KAZN: variants seen among roughly 807,000 people sequenced by gnomAD.
KAZN encodes kazrin, periplakin interacting protein, also known as kazrin.
KAZN carries 40 observed loss-of-function variants against 87.4 expected under a neutral mutation model. The observed-to-expected ratio is 0.46, with a 90% confidence interval of 0.36 to 0.60. KAZN has a LOEUF of 0.60. Among genes scored for constraint, KAZN ranks in the 20% least tolerant of loss-of-function variants. The pLI, the probability that KAZN is intolerant of heterozygous loss-of-function variation, is 0.00. For synonymous variants in KAZN, 466 were observed against 458.3 expected, an observed-to-expected ratio of 1.02 and a Z score of -0.22; for missense variants, 898 against 1,073.9, an observed-to-expected ratio of 0.84 and a Z score of 2.29.
At chr1:14,284,716 A>G (rs1339363) in intron 2 of KAZN, among the ~76,000 whole-genome samples, 69,423 of 152,130 alleles carry the variant, frequency 0.46, 17,027 homozygotes, top group Non-Finnish European at 0.57. Flanking sequence ...GGGAGACCAT[A>G]GAGCAGCCCA....
intron 1 of KAZN, among the ~76,000 whole-genome samples, chr1:13,949,362 G>A (rs1265722296): frequency 4.6e-5 from 7 of 152,146 alleles, no homozygotes; most frequent in Non-Finnish European, 1.0e-4. Context: ...AATACCTCCT[G>A]TTTAAGAGGC....
intron 1 of KAZN, among the ~76,000 whole-genome samples, chr1:14,873,106 A>G (rs1652361300): frequency 1.1e-5 from 1 of 89,234 alleles, no homozygotes; most frequent in Non-Finnish European, 2.4e-5. Flanking sequence ...ATGGATGGAC[A>G]GATAGATGAA....
At chr1:15,045,042 C>T (rs777177579) in intron 4 of KAZN, among the ~76,000 whole-genome samples, 11 of 151,964 alleles carry the variant, frequency 7.2e-5, no homozygotes, top group East Asian at 5.8e-4. Context: ...GGGTCCGGGT[C>T]GGGAGAGAGA....
chr1:14,625,439 A>T (rs1034176195), intron 1 of KAZN, among the ~76,000 whole-genome samples: 9 of 152,226 alleles, frequency 5.9e-5, no homozygotes, highest in African/African-American at 1.7e-4. Flanking sequence ...CTGCAAGTGG[A>T]AAATGAACAG....
At chr1:15,071,744 C>T (rs16851219) in intron 8 of KAZN, among the ~76,000 whole-genome samples, 20,200 of 152,166 alleles carry the variant, frequency 0.13, 1,827 homozygotes, top group East Asian at 0.53. Context: ...CTGAAAATGG[C>T]AGGACCTCTG....
At chr1:14,507,978 T>TAATA (rs1553181517) in intron 2 of KAZN, among the ~76,000 whole-genome samples, 4 of 91,366 alleles carry the variant, frequency 4.4e-5, no homozygotes, top group East Asian at 2.4e-4. Flanking sequence ...AAAAAATAAA[T>TAATA]AAAAAAAAAA....
intron 2 of KAZN, among the ~76,000 whole-genome samples, chr1:14,307,746 G>A (rs1423622764): frequency 3.3e-5 from 5 of 152,276 alleles, no homozygotes; most frequent in South Asian, 2.1e-4. Context: ...GTAGTGGGTC[G>A]CAACCACAGG....
rs551483399 is a variant in KAZN at position 14,484,602 on chromosome 1, A to G, written c.250-114381A>G. ...GCATAACAAACAACCTCAAAACTTC[A>G]GTGGCAGACAGTAAACATTTGTTTT... On this transcript the variant is annotated intron_variant, in intron 2 of 16. Coordinates refer to the KAZN transcript ENST00000636203. 7.2e-5 allele frequency among the ~76,000 whole-genome samples: 11 copies of G among 152,386 alleles called. No individual in the cohort carries two copies. The East Asian group carries it at 1.5e-3, about 21-fold the overall frequency.
At chr1:14,354,865 G>GA (rs1360264770) in intron 2 of KAZN, among the ~76,000 whole-genome samples, 2 of 152,072 alleles carry the variant, frequency 1.3e-5, no homozygotes, top group Non-Finnish European at 2.9e-5. Context: ...AAAGAGAAAT[G>GA]AAAATGTATG....
chr1:15,002,849 G>A (rs1012231314), intron 2 of KAZN, among the ~76,000 whole-genome samples: 8 of 152,018 alleles, frequency 5.3e-5, no homozygotes, highest in African/African-American at 1.4e-4. Context: ...GGTGGTGGGC[G>A]CCTGTAATCC....
intron 1 of KAZN, among the ~76,000 whole-genome samples, chr1:14,038,571 G>T (rs1398406320): frequency 6.6e-6 from 1 of 152,158 alleles, no homozygotes; most frequent in Non-Finnish European, 1.5e-5. Context: ...CTGCAATTGG[G>T]TCATGAAAGT....
chr1:13,906,954 T>C (rs578079899), intron 1 of KAZN, among the ~76,000 whole-genome samples: 1 of 152,348 alleles, frequency 6.6e-6, no homozygotes, highest in South Asian at 2.1e-4. Context: ...GAAGTAAGGC[T>C]TCCCGCCTGT....
chr1:15,034,972 T>C, intron 3 of KAZN, 87 bp downstream of exon 3: 1 of 1,506,694 alleles, frequency 6.6e-7, no homozygotes, highest in South Asian at 1.2e-5. Flanking sequence ...AGGCTCTGCC[T>C]CTTGAATCCC....
intron 2 of KAZN, among the ~76,000 whole-genome samples, chr1:14,476,819 C>G (rs973135491): frequency 6.6e-6 from 1 of 152,136 alleles, no homozygotes; most frequent in Non-Finnish European, 1.5e-5. Context: ...TGTCTACTTC[C>G]TTTCTTCCAT....
intron 1 of KAZN, among the ~76,000 whole-genome samples, chr1:14,698,281 G>T (rs1042741876): frequency 8.5e-5 from 13 of 152,170 alleles, no homozygotes; most frequent in African/African-American, 2.9e-4. Context: ...GCCAGTTCAG[G>T]TGGGGGTGGG....
intron 2 of KAZN, among the ~76,000 whole-genome samples, chr1:14,263,457 G>T (rs1651235081): frequency 6.6e-6 from 1 of 152,188 alleles, no homozygotes; most frequent in Admixed American, 6.5e-5. Flanking sequence ...TGAGCTTGCT[G>T]ATGGTTGACA....
chr1:14,334,437 A>G (rs934906335), intron 2 of KAZN, among the ~76,000 whole-genome samples: 1 of 150,698 alleles, frequency 6.6e-6, no homozygotes, highest in Non-Finnish European at 1.5e-5. Flanking sequence ...AGGCGTGGCC[A>G]TCACAAGGAC....
At position 14,561,131 on chromosome 1, in the gene KAZN, C is replaced by T. The variant is rs576514264; in HGVS notation, c.250-37852C>T. ...GGAAAAACTCCCAAACCATATTTCC[C>T]ATACACTGTGGCCAGCCTGTGGATT... On this transcript the variant is annotated intron_variant, in intron 2 of 16. Transcript: ENST00000636203. Among the ~76,000 whole-genome samples the T allele has an allele frequency of 9.2e-5, 14 of 152,330 alleles. No homozygotes were observed. In the East Asian group the frequency reaches 2.5e-3, roughly 27 times the overall value.
At chr1:14,509,857 T>C (rs75914467) in intron 2 of KAZN, among the ~76,000 whole-genome samples, 21 of 152,274 alleles carry the variant, frequency 1.4e-4, no homozygotes, top group South Asian at 2.1e-4. Flanking sequence ...GGAAAGGCCT[T>C]TCTGAGGAGG....
Sources: gnomAD v4.1 joint callset for allele counts (sites outside exome capture counted in the v4.1 genomes callset) on GRCh38, gnomAD v4.1.1 for gene constraint, MANE v1.5 for transcripts, NCBI Gene and HGNC (gene_info 2026-07-23, HGNC 2026-07-21) for gene names.